The following PDZRN4 variants were observed in gnomAD, a reference collection of about 807,000 sequenced individuals.
The protein encoded by PDZRN4 is PDZ domain-containing RING finger protein 4.
Under a neutral mutation model 99.0 loss-of-function variants are expected in PDZRN4, and 70 were observed. The observed-to-expected ratio is 0.71, with a 90% CI of 0.58 to 0.86. PDZRN4 has a LOEUF of 0.86. Among genes scored for constraint, PDZRN4 ranks in the 40% least tolerant of loss-of-function variants. The probability of loss-of-function intolerance (pLI) is 0.00; values close to 1 mark genes in which losing one functional copy is unlikely to be tolerated. For missense variants in PDZRN4, 1,474 were observed against 1,331.2 expected, an observed-to-expected ratio of 1.11 and a Z score of -1.67; for synonymous variants, 551 against 501.6, an observed-to-expected ratio of 1.10 and a Z score of -1.32.
chr12:41,488,756 T>C (rs1404910230), intron 3 of PDZRN4, among the ~76,000 whole-genome samples: 1 of 152,240 alleles, frequency 6.6e-6, no homozygotes, highest in Non-Finnish European at 1.5e-5. Flanking sequence ...AATTTTTTCC[T>C]TTAAAATATA....
intron 3 of PDZRN4, chr12:41,473,497 A>G (rs1953012555): frequency 6.6e-6 from 1 of 152,192 alleles, no homozygotes; most frequent in East Asian, 1.9e-4. Flanking sequence ...TTTCAGGAAG[A>G]GCCATGGCAT....
intron 3 of PDZRN4, among the ~76,000 whole-genome samples, chr12:41,277,592 T>C (rs1951357401): frequency 6.6e-6 from 1 of 152,134 alleles, no homozygotes. Context: ...TCCAGGTGGG[T>C]GGATGATTGA....
chr12:41,268,888 C>G (rs954985092), intron 3 of PDZRN4, among the ~76,000 whole-genome samples: 1 of 152,104 alleles, frequency 6.6e-6, no homozygotes, highest in African/African-American at 2.4e-5. Context: ...TGGAAAATTG[C>G]GTGATTGAAA....
intron 7 of PDZRN4, among the ~76,000 whole-genome samples, chr12:41,557,296 G>A (rs577673068): frequency 4.9e-4 from 74 of 152,228 alleles, no homozygotes; most frequent in African/African-American, 1.7e-3. Flanking sequence ...CAGAGAGGAG[G>A]ACTTGAATGA....
intron 3 of PDZRN4, among the ~76,000 whole-genome samples, chr12:41,195,040 T>C (rs1950762381): frequency 6.6e-6 from 1 of 151,992 alleles, no homozygotes; most frequent in Non-Finnish European, 1.5e-5. Context: ...TGTGAAAACC[T>C]GGTGAGAACT....
intron 3 of PDZRN4, among the ~76,000 whole-genome samples, chr12:41,417,961 T>C (rs575608484): frequency 2.0e-5 from 3 of 152,344 alleles, no homozygotes; most frequent in East Asian, 3.9e-4. Context: ...CATTGTCTTA[T>C]TGTTTATCCT....
intron 9 of PDZRN4, among the ~76,000 whole-genome samples, chr12:41,569,588 A>G (rs565383504): frequency 6.6e-6 from 1 of 152,288 alleles, no homozygotes; most frequent in African/African-American, 2.4e-5. Context: ...TTAAAAGATG[A>G]TAATTTTTTT....
At chr12:41,383,411 C>G (rs1258504026) in intron 3 of PDZRN4, among the ~76,000 whole-genome samples, 1 of 152,158 alleles carries the variant, frequency 6.6e-6, no homozygotes, top group African/African-American at 2.4e-5. Flanking sequence ...TAAATACTTT[C>G]ATATATTTAT....
At chr12:41,220,873 T>C (rs904576896) in intron 3 of PDZRN4, among the ~76,000 whole-genome samples, 1 of 152,204 alleles carries the variant, frequency 6.6e-6, no homozygotes, top group African/African-American at 2.4e-5. Context: ...AATGAAATAC[T>C]ATAGAGAAAA....
chr12:41,258,769 A>G lies in PDZRN4; in HGVS notation c.843+64581A>G, dbSNP rs145002293. ...TATATTCTATTAGGAGAGATGATCA[A>G]TAAATAAATAAGCTAAGAGATATGT... On this transcript the variant is annotated intron_variant, in intron 3 of 9. Coordinates refer to ENST00000402685, the MANE Select transcript of PDZRN4 (RefSeq NM_001164595.2). Among the ~76,000 whole-genome samples the G allele has an allele frequency of 9.0e-3, 1,375 of 152,262 alleles. 18 individuals are homozygous for G. Among genetic ancestry groups the G allele is most frequent in the African/African-American group, 0.027 (1,139 of 41,540 alleles).
At position 41,422,729 on chromosome 12, in the gene PDZRN4, C is replaced by T. The variant is rs78966146; in HGVS notation, c.844-83727C>T. ...ACCTTCCACCAGATCCCTCCCTCGA[C>T]ATGTGGGGATTGTAATTCAAGATGA... On this transcript the variant is annotated intron_variant, in intron 3 of 9. Coordinates refer to ENST00000402685, the MANE Select transcript of PDZRN4 (RefSeq NM_001164595.2). Among the ~76,000 whole-genome samples, 717 of 152,248 alleles carry T rather than the reference C, an allele frequency of 4.7e-3. 1 individual carries two copies. The highest frequency in any genetic ancestry group is 7.0e-3 in the Admixed American group (107 of 15,282).
At chr12:41,335,496 G>A (rs1018836407) in intron 3 of PDZRN4, among the ~76,000 whole-genome samples, 1 of 151,988 alleles carries the variant, frequency 6.6e-6, no homozygotes, top group Non-Finnish European at 1.5e-5. Flanking sequence ...TAATTATTGA[G>A]TTTTTGAAAA....
chr12:41,295,292 T>C (rs770611140), intron 3 of PDZRN4, among the ~76,000 whole-genome samples: 12 of 152,158 alleles, frequency 7.9e-5, no homozygotes, highest in Non-Finnish European at 1.5e-4. Context: ...AAACAATTCA[T>C]TGAGGTCAAT....
At chr12:41,464,776 T>C (rs1268180124) in intron 3 of PDZRN4, among the ~76,000 whole-genome samples, 1 of 152,016 alleles carries the variant, frequency 6.6e-6, no homozygotes, top group Non-Finnish European at 1.5e-5. Context: ...TTGGGTTAAA[T>C]TTCATTGTTA....
rs544927538 is a variant in PDZRN4 at position 41,470,450 on chromosome 12, G to T, written c.844-36006G>T. Among the ~76,000 whole-genome samples, 85 of 151,958 alleles carry T rather than the reference G, an allele frequency of 5.6e-4. 1 individual carries two copies. Among genetic ancestry groups the T allele is most frequent in the African/African-American group, 1.5e-3 (62 of 41,418 alleles). Reference sequence around the variant, plus strand: ...TCCTCCATATGATTCAGAGACCCAGGTTCCTTCCATCTACCTCTGTCATTC... The same window carrying T: ...TCCTCCATATGATTCAGAGACCCAGTTTCCTTCCATCTACCTCTGTCATTC... On this transcript the variant is annotated intron_variant, in intron 3 of 9. Transcript: ENST00000402685.
chr12:41,269,925 T>G (rs1275353429), intron 3 of PDZRN4, among the ~76,000 whole-genome samples: 2 of 152,172 alleles, frequency 1.3e-5, no homozygotes, highest in African/African-American at 2.4e-5. Context: ...TGCTAAAATA[T>G]TTCTATAAAG....
chr12:41,548,728 A>G (rs1939001533), intron 5 of PDZRN4, among the ~76,000 whole-genome samples: 1 of 152,208 alleles, frequency 6.6e-6, no homozygotes, highest in South Asian at 2.1e-4. Flanking sequence ...CCCCAGTAAG[A>G]GAGAGTTCTA....
At chr12:41,513,088 T>C (rs1938336922) in intron 5 of PDZRN4, among the ~76,000 whole-genome samples, 1 of 152,090 alleles carries the variant, frequency 6.6e-6, no homozygotes, top group South Asian at 2.1e-4. Flanking sequence ...TGAGTACTTA[T>C]ATACAGACTT....
intron 3 of PDZRN4, among the ~76,000 whole-genome samples, chr12:41,267,877 G>T (rs928364247): frequency 6.6e-6 from 1 of 151,676 alleles, no homozygotes; most frequent in African/African-American, 2.4e-5. Flanking sequence ...GGAAGAAGAA[G>T]GTGTGAGTAA....
Sources: allele counts gnomAD v4.1 joint callset (sites outside exome capture counted in the v4.1 genomes callset), GRCh38; gene constraint gnomAD v4.1.1; transcripts MANE v1.5; gene names NCBI Gene and HGNC (gene_info 2026-07-23, HGNC 2026-07-21).